TEX36: variants seen among roughly 807,000 people sequenced by gnomAD.
TEX36 encodes testis expressed 36.
TEX36 carries 12 observed loss-of-function variants against 13.6 expected under a neutral mutation model. The ratio of observed to expected loss-of-function variants is 0.88; its 90% CI spans 0.56 to 1.43. TEX36 has a LOEUF of 1.43. TEX36 is among the 40% of genes most tolerant of loss of function. The pLI, the probability that TEX36 is intolerant of heterozygous loss-of-function variation, is 0.00. For synonymous variants in TEX36, 93 were observed against 83.0 expected, an observed-to-expected ratio of 1.12 and a Z score of -0.65; for missense variants, 224 against 228.3, an observed-to-expected ratio of 0.98 and a Z score of 0.12.
chr10:125,607,887 C>G (rs990680122), intron 3 of TEX36, among the ~76,000 whole-genome samples: 2 of 152,152 alleles, frequency 1.3e-5, no homozygotes, highest in African/African-American at 4.8e-5. Flanking sequence ...GGCTGAGTCA[C>G]ATGACTTTCC....
intron 3 of TEX36, among the ~76,000 whole-genome samples, chr10:125,637,552 G>A (rs1846637062): frequency 6.6e-6 from 1 of 152,122 alleles, no homozygotes; most frequent in African/African-American, 2.4e-5. Flanking sequence ...ACAGAGGAGT[G>A]CACACATCTC....
At chr10:125,663,243 G>A (rs991890802) in intron 1 of TEX36, among the ~76,000 whole-genome samples, 1 of 152,206 alleles carries the variant, frequency 6.6e-6, no homozygotes, top group Non-Finnish European at 1.5e-5. Context: ...CCAATAGTGT[G>A]AATAGTTTGC....
At chr10:125,582,476 A>G (rs960605206) in intron 3 of TEX36, among the ~76,000 whole-genome samples, 1 of 152,332 alleles carries the variant, frequency 6.6e-6, no homozygotes, top group African/African-American at 2.4e-5. Flanking sequence ...ATAAATGCAC[A>G]TACCTAACTT....
chr10:125,630,582 C>T (rs907147375), intron 3 of TEX36, among the ~76,000 whole-genome samples: 1 of 152,100 alleles, frequency 6.6e-6, no homozygotes, highest in African/African-American at 2.4e-5. Context: ...ACACAAAGGG[C>T]CAGTTCTTAT....
rs368838327 is a variant in TEX36, at chr10:125,656,027, C to T, written c.434G>A (p.Arg145Gln). 1.7e-4 allele frequency: 267 copies of T among 1,551,762 alleles called. No individual in the cohort carries two copies. The highest frequency in any genetic ancestry group is 2.2e-4 in the Non-Finnish European group (253 of 1,147,040). ...MVVSSFRRFP[R>Q]CYKEIWNAFT... ...AGCGTTCCATATCTCTTTATAGCAT[C>T]GTGGAAAGCGTCTGAAGCTTGAGAC... Residue 145 changes from arginine to glutamine, a missense_variant, in exon 4 of 4, where the codon CGA becomes CAA. Transcript: ENST00000368821.
chr10:125,615,500 T>A (rs1299234094), intron 3 of TEX36, among the ~76,000 whole-genome samples: 1 of 152,182 alleles, frequency 6.6e-6, no homozygotes, highest in African/African-American at 2.4e-5. Flanking sequence ...GAAGGGTTGT[T>A]GAATTTTATC....
At chr10:125,677,572 T>G (rs1393083109) in intron 1 of TEX36, among the ~76,000 whole-genome samples, 3 of 152,222 alleles carry the variant, frequency 2.0e-5, no homozygotes, top group Non-Finnish European at 4.4e-5. Flanking sequence ...TTTCTAAATA[T>G]CTTTCTCCTT....
intron 1 of TEX36, among the ~76,000 whole-genome samples, chr10:125,674,867 G>C (rs1847288175): frequency 6.6e-6 from 1 of 152,254 alleles, no homozygotes; most frequent in Admixed American, 6.5e-5. Flanking sequence ...TGTGTAACTT[G>C]ACTGAGGGGT....
downstream of TEX36, among the ~76,000 whole-genome samples, chr10:125,621,456 T>C (rs1846428776): frequency 1.3e-5 from 2 of 152,152 alleles, no homozygotes; most frequent in Admixed American, 1.3e-4. Context: ...TAGTGACATG[T>C]TTTCATGTGC....
At chr10:125,587,784 A>G (rs930349362) in intron 3 of TEX36, among the ~76,000 whole-genome samples, 31 of 132,704 alleles carry the variant, frequency 2.3e-4, no homozygotes, top group Admixed American at 2.0e-3. Flanking sequence ...CTGTCTCAAA[A>G]TTAAAAAAAA....
At chr10:125,592,588 T>TA (rs770598175) in intron 3 of TEX36, among the ~76,000 whole-genome samples, 6 of 152,030 alleles carry the variant, frequency 3.9e-5, no homozygotes, top group Non-Finnish European at 8.8e-5. Flanking sequence ...ACCAACTGAA[T>TA]AAAAAATCCT....
At position 125,613,730 on chromosome 10, in the gene TEX36, G is replaced by C. The variant is rs544766892; in HGVS notation, c.265-36856C>G. On this transcript the variant is annotated intron_variant, in intron 3 of 3. Transcript: ENST00000532135. ...AGTCTTTGCTATTGCGAATAGTGCC[G>C]CAATAAACATACGTGTGCATGTGTC... Among the ~76,000 whole-genome samples, 188 of 151,928 alleles carry C rather than the reference G, an allele frequency of 1.2e-3. 1 individual carries two copies. The highest frequency in any genetic ancestry group is 4.3e-3 in the African/African-American group (179 of 41,388).
intron 1 of TEX36, among the ~76,000 whole-genome samples, chr10:125,666,515 T>C (rs1208289465): frequency 1.3e-5 from 2 of 152,214 alleles, no homozygotes; most frequent in African/African-American, 4.8e-5. Flanking sequence ...GATTTGTGTG[T>C]GTCGAAGCAT....
chr10:125,668,052 G>A, intron 1 of TEX36: 1 of 641,568 alleles, frequency 1.6e-6, no homozygotes, highest in Non-Finnish European at 2.8e-6. Context: ...TTTGGCCAGG[G>A]ATCTCCTAAA....
chr10:125,655,431 A>G (rs960563853), downstream of TEX36, among the ~76,000 whole-genome samples: 1 of 152,084 alleles, frequency 6.6e-6, no homozygotes, highest in African/African-American at 2.4e-5. Context: ...GGTGACAGAG[A>G]CTGTCTCAAA....
chr10:125,638,603 T>A (rs1489086408), intron 3 of TEX36, among the ~76,000 whole-genome samples: 1 of 152,230 alleles, frequency 6.6e-6, no homozygotes, highest in Non-Finnish European at 1.5e-5. Flanking sequence ...AAAAAAAAAT[T>A]TGCTGACTCG....
At chr10:125,620,993 G>A (rs1476662033), downstream of TEX36, among the ~76,000 whole-genome samples, 1 of 151,990 alleles carries the variant, frequency 6.6e-6, no homozygotes, top group African/African-American at 2.4e-5. Flanking sequence ...ATATTCCATT[G>A]TATGGATAGA....
intron 3 of TEX36, among the ~76,000 whole-genome samples, chr10:125,623,730 T>G (rs1209646012): frequency 6.6e-6 from 1 of 152,198 alleles, no homozygotes; most frequent in Non-Finnish European, 1.5e-5. Flanking sequence ...TCGAAGGCAT[T>G]CTGGCTCTTC....
At chr10:125,614,335 T>G (rs947996780) in intron 3 of TEX36, among the ~76,000 whole-genome samples, 1 of 152,204 alleles carries the variant, frequency 6.6e-6, no homozygotes, top group African/African-American at 2.4e-5. Flanking sequence ...CTTTTGGTGT[T>G]TTAGACATGA....
Sources: allele counts gnomAD v4.1 joint callset (sites outside exome capture counted in the v4.1 genomes callset), GRCh38; gene constraint gnomAD v4.1.1; transcripts MANE v1.5; gene names NCBI Gene and HGNC (gene_info 2026-07-23, HGNC 2026-07-21).